The following F13A1 variants were observed in gnomAD, a reference collection of about 807,000 sequenced individuals.
The protein encoded by F13A1 is FSF, A subunit.
Under a neutral mutation model 80.1 loss-of-function variants are expected in F13A1, and 47 were observed. The observed-to-expected ratio is 0.59, with a 90% CI of 0.46 to 0.75. F13A1 has a LOEUF of 0.75. Among genes scored for constraint, F13A1 ranks in the 30% least tolerant of loss-of-function variants. The pLI is 0.00. For missense variants in F13A1, 817 were observed against 930.4 expected (o/e 0.88, Z 1.59); for synonymous variants, 349 against 344.9 (o/e 1.01, Z -0.13).
At chr6:6,304,006 T>C (rs1758473679) in intron 3 of F13A1, among the ~76,000 whole-genome samples, 1 of 152,214 alleles carries the variant, frequency 6.6e-6, no homozygotes, top group Non-Finnish European at 1.5e-5. Context: ...TTAGCAAATA[T>C]ATAGTTTTAC....
Position 6,307,946 on chromosome 6 carries a change from A to T in F13A1, c.131-2407T>A, listed in dbSNP as rs1002892051. 3.3e-5 allele frequency among the ~76,000 whole-genome samples: 5 copies of T among 151,364 alleles called. No homozygotes were observed. The East Asian group carries it at 7.7e-4, about 23-fold the overall frequency. Reference sequence around the variant, plus strand: ...AGTCCTCTTATTCATTTTAGCTGGCACTCTCTAGGTATTTAAAGACTGCTC... The same window carrying T: ...AGTCCTCTTATTCATTTTAGCTGGCTCTCTCTAGGTATTTAAAGACTGCTC... On this transcript the variant is annotated intron_variant, in intron 2 of 14. Coordinates refer to ENST00000264870, the MANE Select transcript of F13A1 (RefSeq NM_000129.4).
intron 3 of F13A1, among the ~76,000 whole-genome samples, chr6:6,272,080 C>G (rs1196881826): frequency 6.6e-6 from 1 of 152,116 alleles, no homozygotes; most frequent in African/African-American, 2.4e-5. Flanking sequence ...GCTATGTGAC[C>G]CTGGGGAAAA....
chr6:6,214,313 A>G (rs1172954775), intron 8 of F13A1, among the ~76,000 whole-genome samples: 1 of 151,976 alleles, frequency 6.6e-6, no homozygotes, highest in Admixed American at 6.6e-5. Flanking sequence ...AAAGAACAGA[A>G]ATTATAACAA....
At chr6:6,266,847 T>A (rs756163292) in intron 3 of F13A1, 38 bp from the exon 4 acceptor site, 16 of 1,613,796 alleles carry the variant, frequency 9.9e-6, no homozygotes, top group Admixed American at 1.7e-5. Flanking sequence ...TTAGGTTGAT[T>A]TCACAAGCCA....
At chr6:6,262,409 C>G (rs1245925202) in intron 4 of F13A1, among the ~76,000 whole-genome samples, 1 of 152,226 alleles carries the variant, frequency 6.6e-6, no homozygotes, top group African/African-American at 2.4e-5. Flanking sequence ...AGGTGACGGT[C>G]AAGTTTCTCA....
At chr6:6,208,463 A>G (rs1761533668) in intron 8 of F13A1, among the ~76,000 whole-genome samples, 1 of 152,206 alleles carries the variant, frequency 6.6e-6, no homozygotes, top group Non-Finnish European at 1.5e-5. Context: ...AAGAGGAAAG[A>G]GAGCAAGTAG....
intron 3 of F13A1, among the ~76,000 whole-genome samples, chr6:6,300,448 G>A (rs886477155): frequency 6.6e-5 from 10 of 151,818 alleles, no homozygotes; most frequent in African/African-American, 2.4e-4. Context: ...CTCCTGATGC[G>A]CCGTTTTTTA....
In F13A1 at chr6:6,250,806, C is replaced by T. The variant is rs369605916; in HGVS notation, c.690+5G>A. 6.3e-7 allele frequency: 1 copy of T among 1,595,042 alleles called. No homozygotes were observed. Among genetic ancestry groups the T allele is most frequent in the Non-Finnish European group, 8.6e-7 (1 of 1,162,962 alleles). Reference sequence around the variant, plus strand: ...CTTGACAATAACAAATTTTAAGTGGCTCACCTGACCATAGCTCCAGCTTCT... The same window carrying T: ...CTTGACAATAACAAATTTTAAGTGGTTCACCTGACCATAGCTCCAGCTTCT... On this transcript the variant is annotated splice_donor_5th_base_variant and intron_variant, in intron 5 of 14. Coordinates refer to ENST00000264870, the MANE Select transcript of F13A1 (RefSeq NM_000129.4). This position sits in a 1 kb window ranked among gnomAD's most constrained non-coding sequence, Gnocchi z 4.2.
chr6:6,298,457 G>A (rs1758366654), intron 3 of F13A1, among the ~76,000 whole-genome samples: 1 of 150,170 alleles, frequency 6.7e-6, no homozygotes, highest in East Asian at 1.9e-4. Flanking sequence ...ATAAATTTAG[G>A]AGAGTTAGCT....
At chr6:6,189,652 T>TA (rs1156420750) in intron 10 of F13A1, among the ~76,000 whole-genome samples, 5 of 143,584 alleles carry the variant, frequency 3.5e-5, no homozygotes, top group African/African-American at 1.3e-4. Context: ...TGGCTGCCCT[T>TA]AACATTTTTT....
intron 6 of F13A1, among the ~76,000 whole-genome samples, chr6:6,245,863 C>T (rs1757548408): frequency 6.6e-6 from 1 of 152,158 alleles, no homozygotes; most frequent in Non-Finnish European, 1.5e-5. Context: ...GTCCACATGC[C>T]ACCTATACCG....
At chr6:6,207,437 G>A (rs1475828302) in intron 8 of F13A1, among the ~76,000 whole-genome samples, 1 of 152,154 alleles carries the variant, frequency 6.6e-6, no homozygotes, top group Non-Finnish European at 1.5e-5. Flanking sequence ...AATGCCTGAA[G>A]GGGCAATACC....
intron 10 of F13A1, among the ~76,000 whole-genome samples, chr6:6,189,592 C>T (rs1333537238): frequency 6.3e-5 from 9 of 143,580 alleles, no homozygotes; most frequent in Non-Finnish European, 1.1e-4. Context: ...CCGAGAGATC[C>T]GCTGTTAGTC....
At chr6:6,208,966 T>G (rs1761546699) in intron 8 of F13A1, among the ~76,000 whole-genome samples, 2 of 152,140 alleles carry the variant, frequency 1.3e-5, no homozygotes, top group African/African-American at 4.8e-5. Context: ...TGTATAAGCA[T>G]CCAAAGAAAT....
chr6:6,176,713 C>T (rs948583138), intron 11 of F13A1, among the ~76,000 whole-genome samples: 3 of 152,078 alleles, frequency 2.0e-5, no homozygotes, highest in Admixed American at 1.3e-4. Flanking sequence ...AATCATCTGG[C>T]CAATAGATCC....
chr6:6,296,797 G>T (rs1384127958), intron 3 of F13A1, among the ~76,000 whole-genome samples: 1 of 146,366 alleles, frequency 6.8e-6, no homozygotes, highest in African/African-American at 2.6e-5. Flanking sequence ...AATAGGAGTG[G>T]TGAGAGAGGG....
At chr6:6,173,965 A>G (rs1399801153) in intron 12 of F13A1, among the ~76,000 whole-genome samples, 1 of 152,158 alleles carries the variant, frequency 6.6e-6, no homozygotes, top group Non-Finnish European at 1.5e-5. Flanking sequence ...CTCCTGGGGA[A>G]TGCTGATGCA....
chr6:6,221,426 A>G (rs1373193153), intron 8 of F13A1, among the ~76,000 whole-genome samples: 1 of 152,230 alleles, frequency 6.6e-6, no homozygotes. Context: ...TCATCTTTAC[A>G]TTCGAAAAGA....
intron 4 of F13A1, among the ~76,000 whole-genome samples, chr6:6,257,664 T>C (rs1757720671): frequency 6.6e-6 from 1 of 152,208 alleles, no homozygotes; most frequent in Admixed American, 6.5e-5. Context: ...TTCACAGATA[T>C]TGATAGTATA....
Sources: allele counts gnomAD v4.1 joint callset (sites outside exome capture counted in the v4.1 genomes callset), GRCh38; gene constraint gnomAD v4.1.1; non-coding constraint Gnocchi (gnomAD v3.1); transcripts MANE v1.5; gene names NCBI Gene and HGNC (gene_info 2026-07-23, HGNC 2026-07-21).